The following DHRSX variants were observed in gnomAD, a reference collection of about 807,000 sequenced individuals.
DHRSX encodes the protein dehydrogenase/reductase X-linked.
DHRSX carries 31 observed loss-of-function variants against 34.0 expected under a neutral mutation model. The observed-to-expected ratio is 0.91, with a 90% CI of 0.69 to 1.23. DHRSX has a LOEUF of 1.23. Among genes scored for constraint, DHRSX ranks in the 50% most tolerant of loss-of-function variants. The pLI, the probability that DHRSX is intolerant of heterozygous loss-of-function variation, is 0.00. For synonymous variants in DHRSX, 201 were observed against 183.8 expected (o/e 1.09, Z -0.76); for missense variants, 414 against 428.1 (o/e 0.97, Z 0.29).
At chrX:2,484,562 G>C (rs927660115) in intron 1 of DHRSX, among the ~76,000 whole-genome samples, 7 of 152,028 alleles carry the variant, frequency 4.6e-5, no homozygotes, top group African/African-American at 1.7e-4. Flanking sequence ...TGCTGTTTTC[G>C]TCGTCTGAAG....
chrX:2,352,135 G>A (rs2042795974), intron 3 of DHRSX, among the ~76,000 whole-genome samples: 1 of 151,944 alleles, frequency 6.6e-6, no homozygotes, highest in African/African-American at 2.4e-5. Flanking sequence ...ATGTCCTCCC[G>A]TATTCTCTAT....
Position 2,425,297 on chromosome X carries a change from G to C in DHRSX, c.117C>G (p.Pro39=). ...CRGGFLEPVF[P]PRPDRVAIVT... ...CTATAGCGACACGGTCAGGTCGTGG[G>C]GGGAAAACTGAAAAAGAAGAAGAGA... The change falls in exon 2 of 7, where the codon CCC becomes CCG. Residue 39 remains proline (P), a synonymous_variant. Coordinates refer to ENST00000334651, the MANE Select transcript of DHRSX (RefSeq NM_145177.3). The C allele has an allele frequency of 6.2e-7, 1 of 1,612,664 alleles. No homozygotes were observed. Among genetic ancestry groups the C allele is most frequent in the Non-Finnish European group, 8.5e-7 (1 of 1,179,100 alleles).
intron 4 of DHRSX, among the ~76,000 whole-genome samples, chrX:2,291,196 A>G (rs764977159): frequency 2.0e-4 from 30 of 152,308 alleles, no homozygotes; most frequent in African/African-American, 7.0e-4. Context: ...GTTTTGTAAG[A>G]TAACATTTGG....
At chrX:2,284,244 A>C (rs1012679224) in intron 4 of DHRSX, among the ~76,000 whole-genome samples, 3 of 152,094 alleles carry the variant, frequency 2.0e-5, no homozygotes, top group African/African-American at 4.8e-5. Flanking sequence ...TTGTTCATTC[A>C]TTAGAATTCA....
chrX:2,474,242 A>C (rs1014412391), intron 1 of DHRSX, among the ~76,000 whole-genome samples: 14 of 152,138 alleles, frequency 9.2e-5, no homozygotes, highest in African/African-American at 3.1e-4. Flanking sequence ...GTATGCACTG[A>C]AGAGGTTCCC....
At chrX:2,387,861 A>G (rs1237824533) in intron 3 of DHRSX, among the ~76,000 whole-genome samples, 2 of 125,844 alleles carry the variant, frequency 1.6e-5, no homozygotes, top group Non-Finnish European at 3.8e-5. Flanking sequence ...CAGCAGGCGG[A>G]AAAAAAAAAA....
Position 2,269,963 on chromosome X carries a change from G to A in DHRSX, c.389-3016C>T, listed in dbSNP as rs751874641. Among the ~76,000 whole-genome samples the A allele has an allele frequency of 1.4e-4, 21 of 152,118 alleles. No individual in the cohort carries two copies. In the East Asian group the frequency reaches 2.3e-3, roughly 17 times the overall value. ...TTTCTATGCATATGCATTTGTACAC[G>A]TGCTTGTGTTTGTGTGTATCTTATA... On this transcript the variant is annotated intron_variant, in intron 4 of 6. Coordinates refer to ENST00000334651, the MANE Select transcript of DHRSX (RefSeq NM_145177.3).
rs139544189 is a variant in DHRSX at position 2,321,688 on chromosome X, T to G, written c.287-30085A>C. Among the ~76,000 whole-genome samples the G allele has an allele frequency of 1.6e-3, 238 of 152,178 alleles. 5 individuals are homozygous for G. The East Asian group carries it at 0.037, about 24-fold the overall frequency. On this transcript the variant is annotated intron_variant, in intron 3 of 6. Coordinates refer to ENST00000334651, the MANE Select transcript of DHRSX (RefSeq NM_145177.3). ...GTAAACATTTCTGCCTCCAGTACTA[T>G]AGAGAAATAAATTTCTGTTATTTAT...
chrX:2,400,688 C>T (rs1190967395), intron 3 of DHRSX, among the ~76,000 whole-genome samples: 1 of 151,616 alleles, frequency 6.6e-6, no homozygotes, highest in East Asian at 1.9e-4. Flanking sequence ...AAACAACAAC[C>T]CTCATCTCTT....
intron 3 of DHRSX, among the ~76,000 whole-genome samples, chrX:2,365,418 G>C (rs1413460465): frequency 3.3e-5 from 5 of 152,104 alleles, no homozygotes; most frequent in African/African-American, 4.8e-5. Flanking sequence ...GGGATTACAG[G>C]TGTGAGCCAC....
intron 4 of DHRSX, among the ~76,000 whole-genome samples, chrX:2,275,468 A>G (rs1031489468): frequency 6.6e-6 from 1 of 151,492 alleles, no homozygotes. Flanking sequence ...GATATCGTGC[A>G]CTGCACTCCA....
intron 6 of DHRSX, among the ~76,000 whole-genome samples, chrX:2,224,245 C>G (rs779563529): frequency 0.012 from 463 of 37,130 alleles, 5 homozygotes; most frequent in South Asian, 0.025. Context: ...TGTTCTGCAG[C>G]TGCAGCTTAG....
At chrX:2,227,626 G>T (rs1197637456) in intron 6 of DHRSX, among the ~76,000 whole-genome samples, 7 of 120,096 alleles carry the variant, frequency 5.8e-5, no homozygotes, top group African/African-American at 2.0e-4. Flanking sequence ...AAAGAAGGAA[G>T]GGAGGCAGGA....
chrX:2,455,888 C>G (rs1032282642), intron 1 of DHRSX, among the ~76,000 whole-genome samples: 1 of 151,938 alleles, frequency 6.6e-6, no homozygotes, highest in Non-Finnish European at 1.5e-5. Context: ...CAGGACTTCA[C>G]GACACCAACG....
intron 3 of DHRSX, among the ~76,000 whole-genome samples, chrX:2,343,982 G>T (rs2042671308): frequency 6.6e-6 from 1 of 152,132 alleles, no homozygotes. Flanking sequence ...TACTAAATGG[G>T]AAGTCCTAAG....
At chrX:2,363,921 A>AC (rs1385111904) in intron 3 of DHRSX, among the ~76,000 whole-genome samples, 1 of 152,204 alleles carries the variant, frequency 6.6e-6, no homozygotes, top group Admixed American at 6.5e-5. Context: ...GATCCTGGGC[A>AC]CAGAGATATT....
chrX:2,246,784 T>C (rs1341327713), intron 5 of DHRSX, among the ~76,000 whole-genome samples: 1 of 148,976 alleles, frequency 6.7e-6, no homozygotes, highest in Non-Finnish European at 1.5e-5. Flanking sequence ...AAAATTGAAA[T>C]AAATGAAGTA....
chrX:2,257,372 GGC>G (rs1474863012), intron 5 of DHRSX, among the ~76,000 whole-genome samples: 5 of 152,208 alleles, frequency 3.3e-5, no homozygotes, highest in African/African-American at 4.8e-5. Context: ...TCGGCCAGAT[GGC>G]CCAATGCACA....
intron 3 of DHRSX, among the ~76,000 whole-genome samples, chrX:2,328,318 T>A: frequency 7.1e-6 from 1 of 140,832 alleles, no homozygotes; most frequent in South Asian, 2.3e-4. Flanking sequence ...CTAAGACACC[T>A]CATAAGAAAA....
Sources: gnomAD v4.1 joint callset for allele counts (sites outside exome capture counted in the v4.1 genomes callset) on GRCh38, gnomAD v4.1.1 for gene constraint, MANE v1.5 for transcripts, NCBI Gene and HGNC (gene_info 2026-07-23, HGNC 2026-07-21) for gene names.